Variants in PACRG observed in about 807,000 individuals in gnomAD.
The protein encoded by PACRG is parkin coregulated gene protein.
A neutral mutation model predicts 29.7 loss-of-function variants in PACRG; 29 were observed. The ratio of observed to expected loss-of-function variants is 0.98; its 90% CI spans 0.73 to 1.33. The LOEUF is 1.33. PACRG is among the 40% of genes most tolerant of loss of function. The pLI is 0.00. For missense variants in PACRG, 279 were observed against 316.2 expected (o/e 0.88, Z 0.89); for synonymous variants, 116 against 118.7 (o/e 0.98, Z 0.15).
intron 2 of PACRG, among the ~76,000 whole-genome samples, chr6:162,947,611 CATAT>C (rs1170513962): frequency 0.014 from 384 of 27,918 alleles, 8 homozygotes; most frequent in African/African-American, 0.026. Flanking sequence ...TATATATAAT[CATAT>C]ATATATATAT....
intron 3 of PACRG, among the ~76,000 whole-genome samples, chr6:163,086,419 C>T (rs1813562680): frequency 6.6e-6 from 1 of 152,162 alleles, no homozygotes; most frequent in Non-Finnish European, 1.5e-5. Flanking sequence ...AGATTTTGTC[C>T]TGCAGTGTGT....
chr6:162,818,331 C>T (rs1313189227), intron 2 of PACRG, among the ~76,000 whole-genome samples: 2 of 152,170 alleles, frequency 1.3e-5, no homozygotes, highest in South Asian at 2.1e-4. Flanking sequence ...AAATTGCCAT[C>T]CTTTAATTTT....
At chr6:163,054,803 C>T (rs1810400124) in intron 2 of PACRG, among the ~76,000 whole-genome samples, 1 of 152,174 alleles carries the variant, frequency 6.6e-6, no homozygotes, top group Non-Finnish European at 1.5e-5. Flanking sequence ...GGCCAGGCTA[C>T]TCCCTGCGGC....
chr6:162,740,527 A>G (rs1290833481), intron 1 of PACRG, among the ~76,000 whole-genome samples: 2 of 151,188 alleles, frequency 1.3e-5, no homozygotes, highest in Non-Finnish European at 2.9e-5. Flanking sequence ...TGTGTTAGCC[A>G]GGATGGTCTT....
intron 1 of PACRG, among the ~76,000 whole-genome samples, chr6:162,807,019 C>T (rs189780951): frequency 6.6e-6 from 1 of 152,362 alleles, no homozygotes; most frequent in East Asian, 1.9e-4. Flanking sequence ...TCACCTTGCA[C>T]TTTAATTTAT....
At chr6:162,863,913 A>G (rs1792079025) in intron 2 of PACRG, among the ~76,000 whole-genome samples, 1 of 152,094 alleles carries the variant, frequency 6.6e-6, no homozygotes, top group South Asian at 2.1e-4. Flanking sequence ...ACTCTACATG[A>G]TCCTTATTTT....
At chr6:163,047,852 C>A (rs1809558857) in intron 2 of PACRG, among the ~76,000 whole-genome samples, 1 of 152,264 alleles carries the variant, frequency 6.6e-6, no homozygotes, top group South Asian at 2.1e-4. Flanking sequence ...AAAATTATTT[C>A]TGTCTTCCGT....
At chr6:162,949,484 C>G (rs530203585) in intron 2 of PACRG, among the ~76,000 whole-genome samples, 1 of 152,110 alleles carries the variant, frequency 6.6e-6, no homozygotes, top group African/African-American at 2.4e-5. Context: ...TTGTATATCT[C>G]AAAGGAGCTA....
At chr6:162,751,802 T>C (rs1408762093) in intron 1 of PACRG, among the ~76,000 whole-genome samples, 1 of 152,148 alleles carries the variant, frequency 6.6e-6, no homozygotes, top group Non-Finnish European at 1.5e-5. Flanking sequence ...TTGTCTGCCA[T>C]CTTAAATGCC....
intron 2 of PACRG, among the ~76,000 whole-genome samples, chr6:162,982,153 T>A (rs932906268): frequency 7.9e-5 from 12 of 152,070 alleles, no homozygotes; most frequent in Non-Finnish European, 1.8e-4. Flanking sequence ...CCCATTTTGT[T>A]TCCAATTGAG....
At chr6:162,958,793 C>T (rs573508271) in intron 2 of PACRG, among the ~76,000 whole-genome samples, 12 of 145,846 alleles carry the variant, frequency 8.2e-5, no homozygotes, top group African/African-American at 3.1e-4. Context: ...CATATACACA[C>T]ACATATATAT....
chr6:163,214,758 A>G (rs533084380), intron 4 of PACRG, among the ~76,000 whole-genome samples: 20 of 152,110 alleles, frequency 1.3e-4, no homozygotes, highest in African/African-American at 4.6e-4. Context: ...CCAGTATTCA[A>G]ACTTTCTAGT....
At chr6:162,739,835 C>CATCTTTAA (rs1780435850) in intron 1 of PACRG, among the ~76,000 whole-genome samples, 1 of 112,370 alleles carries the variant, frequency 8.9e-6, no homozygotes. Flanking sequence ...AGTGAGGCTC[C>CATCTTTAA]ATCTTTAAAA....
In PACRG at chr6:163,263,074, T is replaced by G. The variant is rs181426026; in HGVS notation, c.614-51753T>G. ...TCAAAAATAATAGTAATATATAAATTTGTCTGCAATTGTGAAAAATAAATA... is the reference window on the plus strand; with the variant it reads ...TCAAAAATAATAGTAATATATAAATGTGTCTGCAATTGTGAAAAATAAATA... On this transcript the variant is annotated intron_variant, in intron 4 of 4. Coordinates refer to ENST00000366888, the MANE Select transcript of PACRG (RefSeq NM_001080379.2). Among the ~76,000 whole-genome samples, 424 of 148,778 alleles carry G rather than the reference T, an allele frequency of 2.8e-3. 1 individual carries two copies. Among genetic ancestry groups the G allele is most frequent in the South Asian group, 5.8e-3 (26 of 4,512 alleles).
chr6:163,203,909 G>T (rs1780804511), intron 4 of PACRG, among the ~76,000 whole-genome samples: 1 of 152,246 alleles, frequency 6.6e-6, no homozygotes, highest in Non-Finnish European at 1.5e-5. Context: ...TTGGGGTATA[G>T]TTGTTGGCGG....
intron 2 of PACRG, among the ~76,000 whole-genome samples, chr6:162,891,771 G>A (rs139252106): frequency 1.3e-5 from 2 of 152,232 alleles, no homozygotes; most frequent in East Asian, 3.9e-4. Context: ...GGGTCACTCA[G>A]GTACAAGCCC....
intron 4 of PACRG, among the ~76,000 whole-genome samples, chr6:163,184,164 C>T (rs1779805161): frequency 6.6e-6 from 1 of 152,194 alleles, no homozygotes; most frequent in South Asian, 2.1e-4. Context: ...AGACAAAAAT[C>T]AATGTGCAAA....
rs1783997146 is a variant in PACRG, at chr6:162,780,277, A to G, written c.157-33870A>G. ...AGGATCCTCCCACACTAAGAGGGAA[A>G]AATGAACCTTGGTAAAAATGCTAAT... is the stretch of plus-strand genomic sequence containing the variant. On this transcript the variant is annotated intron_variant, in intron 1 of 4. Transcript: ENST00000366888. Among the ~76,000 whole-genome samples the G allele has an allele frequency of 2.0e-5, 3 of 152,208 alleles. No individual in the cohort carries two copies. The South Asian group carries it at 6.2e-4, about 31-fold the overall frequency.
At chr6:162,773,890 A>T (rs538126922) in intron 1 of PACRG, among the ~76,000 whole-genome samples, 143 of 152,088 alleles carry the variant, frequency 9.4e-4, no homozygotes, top group African/African-American at 3.3e-3. Flanking sequence ...AAGAAACATA[A>T]TTTTCATGGC....
Sources: allele counts gnomAD v4.1 joint callset (sites outside exome capture counted in the v4.1 genomes callset), GRCh38; gene constraint gnomAD v4.1.1; transcripts MANE v1.5; gene names NCBI Gene and HGNC (gene_info 2026-07-23, HGNC 2026-07-21).